TSPAN16: variants seen among roughly 807,000 people sequenced by gnomAD.
TSPAN16 encodes the protein tetraspanin 16, also known as tetraspanin-16.
Under a neutral mutation model 25.2 loss-of-function variants are expected in TSPAN16, and 23 were observed. The observed-to-expected ratio is 0.91, with a 90% CI of 0.66 to 1.29. The LOEUF is 1.29. Among genes scored for constraint, TSPAN16 ranks in the 50% most tolerant of loss-of-function variants. The pLI is 0.00. For missense variants in TSPAN16, 272 were observed against 299.9 expected (o/e 0.91, Z 0.69); for synonymous variants, 123 against 124.4 (o/e 0.99, Z 0.08).
intron 4 of TSPAN16, among the ~76,000 whole-genome samples, chr19:11,303,304 A>G (rs2080586401): frequency 7.0e-6 from 1 of 143,340 alleles, no homozygotes; most frequent in Non-Finnish European, 1.5e-5. Context: ...ACTCAGGGTT[A>G]AATGGATTAA....
downstream of TSPAN16, among the ~76,000 whole-genome samples, chr19:11,319,126 T>C (rs1419988040): frequency 6.6e-6 from 1 of 152,168 alleles, no homozygotes; most frequent in South Asian, 2.1e-4. Flanking sequence ...AAAACTGAGC[T>C]TCCCTCACTT....
downstream of TSPAN16, chr19:11,316,117 GGTTTTT>G (rs1203966428): frequency 5.1e-3 from 1,166 of 228,832 alleles, 18 homozygotes; most frequent in African/African-American, 0.014. Context: ...GTGTGTGTGT[GGTTTTT>G]TTTTTTTTTT....
At chr19:11,326,326 A>C (rs751420643) in intron 6 of TSPAN16, among the ~76,000 whole-genome samples, 1 of 152,058 alleles carries the variant, frequency 6.6e-6, no homozygotes, top group Non-Finnish European at 1.5e-5. Flanking sequence ...GGCAGCAGTG[A>C]GCCATGATCA....
At chr19:11,320,255 G>A (rs1322284439), downstream of TSPAN16, among the ~76,000 whole-genome samples, 4 of 151,912 alleles carry the variant, frequency 2.6e-5, no homozygotes, top group Non-Finnish European at 5.9e-5. Flanking sequence ...CCGAGTAGCT[G>A]GGATTACAGG....
chr19:11,299,173 A>G (rs893456785), intron 3 of TSPAN16, among the ~76,000 whole-genome samples: 4 of 152,018 alleles, frequency 2.6e-5, no homozygotes, highest in Non-Finnish European at 5.9e-5. Context: ...CCAGCTACTC[A>G]GGAGGCTGAG....
At chr19:11,310,376 G>A (rs1030909481) in intron 5 of TSPAN16, among the ~76,000 whole-genome samples, 1 of 152,040 alleles carries the variant, frequency 6.6e-6, no homozygotes, top group Non-Finnish European at 1.5e-5. Flanking sequence ...TTAGCCGGGC[G>A]TGGTGGTGGG....
At chr19:11,325,485 C>T in intron 6 of TSPAN16, 3 of 1,613,378 alleles carry the variant, frequency 1.9e-6, no homozygotes, top group Non-Finnish European at 2.5e-6. Flanking sequence ...AGCTGGGTTC[C>T]AGGGACTCGT....
At chr19:11,300,938 G>T in intron 3 of TSPAN16, 1 of 353,756 alleles carries the variant, frequency 2.8e-6, no homozygotes, top group South Asian at 4.9e-5. Flanking sequence ...CCAAAGAGCA[G>T]ATGATTCAAA....
chr19:11,304,342 C>T (rs185244894), intron 4 of TSPAN16, among the ~76,000 whole-genome samples: 2 of 151,196 alleles, frequency 1.3e-5, no homozygotes, highest in African/African-American at 4.9e-5. Flanking sequence ...TGATAGGGAA[C>T]AATTTATTTA....
intron 1 of TSPAN16, among the ~76,000 whole-genome samples, chr19:11,297,599 C>T (rs56194888): frequency 0.26 from 39,888 of 151,646 alleles, 5,271 homozygotes; most frequent in Middle Eastern, 0.31. Context: ...CAGGTTTAAG[C>T]GATTCTTCTG....
rs779473677 is a variant in TSPAN16, at chr19:11,298,191, G to A, written c.119G>A (p.Gly40Glu). ...CTGGGCATTGGTGGTAAATGTGGAG[G>A]GGCCTCTCTGACGAATGTCCTCGGG... The part of the protein sequence containing the change: ...VGLGIGGKCG[G>E]ASLTNVLGLS... The change falls in exon 2 of 7, where the codon GGG (glycine) becomes GAG (glutamate). Residue 40 changes from glycine (G) to glutamate (E), a missense_variant. Physicochemically the swap from Gly to Glu is moderately conservative, Grantham distance 98 (BLOSUM62 -2). Transcript: ENST00000590327. 1.2e-6 allele frequency: 2 copies of A among 1,614,142 alleles called. No individual in the cohort carries two copies. Among genetic ancestry groups the A allele is most frequent in the Non-Finnish European group, 1.7e-6 (2 of 1,180,026 alleles).
chr19:11,321,598 T>C (rs1356737552), intron 6 of TSPAN16, among the ~76,000 whole-genome samples: 1 of 152,092 alleles, frequency 6.6e-6, no homozygotes, highest in Non-Finnish European at 1.5e-5. Context: ...GGCAGGGGCC[T>C]GGTATGTTCA....
In TSPAN16 at chr19:11,306,655, G is replaced by A. The variant is rs1373017763; in HGVS notation, c.502G>A (p.Glu168Lys). 15 of 1,613,824 alleles carry A rather than the reference G, an allele frequency of 9.3e-6. No homozygotes were observed. Among genetic ancestry groups the A allele is most frequent in the Admixed American group, 6.7e-5 (4 of 59,970 alleles). Residue 168 changes from glutamate to lysine, a missense_variant, in exon 5 of 7, where the codon GAA becomes AAA. Physicochemically the swap from Glu to Lys is moderately conservative, Grantham distance 56. Transcript: ENST00000590327. ...CACAGATTTTTCTGGCTCTTCCTTC[G>A]AAATGACAACGGGCCACACCTACCC... ...NYTDFSGSSF[E>K]MTTGHTYPRS...
At chr19:11,311,887 T>C (rs1432538139) in intron 5 of TSPAN16, among the ~76,000 whole-genome samples, 1 of 152,116 alleles carries the variant, frequency 6.6e-6, no homozygotes, top group African/African-American at 2.4e-5. Context: ...ACTGGAACAT[T>C]AGCACAGACA....
At chr19:11,300,447 C>T (rs1426649842) in intron 3 of TSPAN16, among the ~76,000 whole-genome samples, 1 of 152,160 alleles carries the variant, frequency 6.6e-6, no homozygotes, top group Admixed American at 6.6e-5. Flanking sequence ...AGAGAATCCT[C>T]ACTTGCTGGC....
chr19:11,312,744 C>T (rs1288492601), intron 6 of TSPAN16, among the ~76,000 whole-genome samples: 2 of 151,888 alleles, frequency 1.3e-5, no homozygotes, highest in Non-Finnish European at 2.9e-5. Context: ...TCCTGAGTGA[C>T]AGAGTGAGAT....
At chr19:11,298,379 C>T in intron 2 of TSPAN16, 40 bp downstream of exon 2, 1 of 1,591,556 alleles carries the variant, frequency 6.3e-7, no homozygotes, top group Non-Finnish European at 8.6e-7. Flanking sequence ...ACTGCCTCCC[C>T]ACACACACAA....
At chr19:11,315,362 C>A (rs2080737382) in intron 6 of TSPAN16, among the ~76,000 whole-genome samples, 1 of 149,968 alleles carries the variant, frequency 6.7e-6, no homozygotes, top group Non-Finnish European at 1.5e-5. Context: ...TCGAGACGAT[C>A]CTGGCTAACA....
intron 5 of TSPAN16, among the ~76,000 whole-genome samples, chr19:11,311,003 A>AT (rs933983279): frequency 2.6e-5 from 4 of 151,872 alleles, no homozygotes; most frequent in African/African-American, 9.7e-5. Flanking sequence ...ACACTGGCTA[A>AT]TTTTTTTATT....
Sources: gnomAD v4.1 joint callset for allele counts (sites outside exome capture counted in the v4.1 genomes callset) on GRCh38, gnomAD v4.1.1 for gene constraint, MANE v1.5 for transcripts, NCBI Gene and HGNC (gene_info 2026-07-23, HGNC 2026-07-21) for gene names.